The following SLC16A12 variants were observed in gnomAD, a reference collection of about 807,000 sequenced individuals.
SLC16A12 encodes the protein solute carrier family 16 member 12.
In SLC16A12, 17 loss-of-function variants were observed where a neutral mutation model predicts 42.4. That is an observed-to-expected ratio of 0.40 (90% CI 0.27 to 0.60). SLC16A12 has a LOEUF of 0.60. Among genes scored for constraint, SLC16A12 ranks in the 20% least tolerant of loss-of-function variants. SLC16A12 has a pLI of 0.42. For missense variants in SLC16A12, 544 were observed against 623.0 expected, an observed-to-expected ratio of 0.87 and a Z score of 1.35; for synonymous variants, 224 against 229.4, an observed-to-expected ratio of 0.98 and a Z score of 0.21.
intron 3 of SLC16A12, among the ~76,000 whole-genome samples, chr10:89,450,501 G>C (rs560742937): frequency 6.6e-6 from 1 of 152,172 alleles, no homozygotes; most frequent in Non-Finnish European, 1.5e-5. Flanking sequence ...GCAAACTATC[G>C]CAAGGACAGA....
chr10:89,535,263 C>A (rs1010651515), intron 1 of SLC16A12, among the ~76,000 whole-genome samples, 179 bp downstream of exon 1: 6 of 152,146 alleles, frequency 3.9e-5, no homozygotes, highest in Non-Finnish European at 8.8e-5. Context: ...CAAGTGAGCA[C>A]GTGTCTCCCT....
chr10:89,529,239 G>A (rs1843502644), intron 2 of SLC16A12, among the ~76,000 whole-genome samples: 1 of 152,008 alleles, frequency 6.6e-6, no homozygotes, highest in South Asian at 2.1e-4. Context: ...AGATAAATAT[G>A]AACTCACTCC....
At chr10:89,506,095 C>T (rs1267818418) in intron 2 of SLC16A12, among the ~76,000 whole-genome samples, 1 of 152,156 alleles carries the variant, frequency 6.6e-6, no homozygotes, top group Non-Finnish European at 1.5e-5. Context: ...TAGATAAAGC[C>T]CCCATCTTCC....
At chr10:89,472,529 G>A (rs1468722159) in intron 2 of SLC16A12, among the ~76,000 whole-genome samples, 2 of 106,660 alleles carry the variant, frequency 1.9e-5, no homozygotes, top group African/African-American at 3.6e-5. Context: ...GTCTTGCTGT[G>A]TTGCCCAGGC....
At chr10:89,472,191 G>T (rs1236970517) in intron 2 of SLC16A12, among the ~76,000 whole-genome samples, 1 of 151,890 alleles carries the variant, frequency 6.6e-6, no homozygotes, top group Non-Finnish European at 1.5e-5. Flanking sequence ...TGAATAATTA[G>T]AAATTAAAAA....
upstream of SLC16A12, among the ~76,000 whole-genome samples, chr10:89,537,353 T>C (rs921057241): frequency 6.6e-6 from 1 of 152,062 alleles, no homozygotes; most frequent in Admixed American, 6.5e-5. Flanking sequence ...GGGGTTTTTT[T>C]AAATAGTCTA....
At chr10:89,459,738 G>C (rs1282397009) in intron 3 of SLC16A12, among the ~76,000 whole-genome samples, 1 of 152,124 alleles carries the variant, frequency 6.6e-6, no homozygotes, top group Non-Finnish European at 1.5e-5. Flanking sequence ...TCAGGAGTTT[G>C]AGACCATCCT....
chr10:89,440,073 CA>C (rs10674171), intron 5 of SLC16A12, among the ~76,000 whole-genome samples: 196 of 31,442 alleles, frequency 6.2e-3, no homozygotes, highest in South Asian at 0.042. Flanking sequence ...GACCCTGTCT[CA>C]AAAAAAAAAA....
intron 2 of SLC16A12, among the ~76,000 whole-genome samples, chr10:89,552,370 A>G (rs77354255): frequency 0.012 from 1,802 of 152,380 alleles, 21 homozygotes; most frequent in Non-Finnish European, 0.021. Flanking sequence ...ATCTCATTTA[A>G]AAATTATAGG....
chr10:89,526,231 C>A (rs969663431), intron 2 of SLC16A12, among the ~76,000 whole-genome samples: 1 of 151,956 alleles, frequency 6.6e-6, no homozygotes, highest in Admixed American at 6.6e-5. Context: ...GAAATGCAAA[C>A]TTCATTAACC....
chr10:89,509,606 T>G (rs1442152145), intron 2 of SLC16A12, among the ~76,000 whole-genome samples: 1 of 152,216 alleles, frequency 6.6e-6, no homozygotes, highest in Non-Finnish European at 1.5e-5. Flanking sequence ...TAATAAGAGC[T>G]ATTTATGACA....
chr10:89,440,656 T>C (rs563337168), intron 5 of SLC16A12, among the ~76,000 whole-genome samples: 2 of 152,242 alleles, frequency 1.3e-5, no homozygotes, highest in Admixed American at 6.5e-5. Context: ...ATGTGTAATA[T>C]AAGAATATTC....
chr10:89,543,661 T>C (rs1023825842), intron 2 of SLC16A12, among the ~76,000 whole-genome samples: 6 of 151,820 alleles, frequency 4.0e-5, no homozygotes, highest in Non-Finnish European at 5.9e-5. Context: ...AAAACCTGTC[T>C]CTACCAAAAA....
chr10:89,501,257 G>A (rs965531350), intron 2 of SLC16A12, among the ~76,000 whole-genome samples: 3 of 152,076 alleles, frequency 2.0e-5, no homozygotes, highest in African/African-American at 7.2e-5. Flanking sequence ...TCAATGCAAT[G>A]CCCATCAAAA....
chr10:89,460,169 T>C (rs1256969775), intron 3 of SLC16A12, among the ~76,000 whole-genome samples: 1 of 152,116 alleles, frequency 6.6e-6, no homozygotes, highest in Admixed American at 6.6e-5. Flanking sequence ...TTCTAAAGCA[T>C]TGTGCCCACT....
chr10:89,465,165 A>T (rs1842372591), intron 2 of SLC16A12, among the ~76,000 whole-genome samples: 1 of 152,200 alleles, frequency 6.6e-6, no homozygotes, highest in African/African-American at 2.4e-5. Context: ...CATCTCATTT[A>T]ATCCTTACAA....
chr10:89,442,193 C>G (rs187750852), intron 4 of SLC16A12, among the ~76,000 whole-genome samples: 6 of 152,348 alleles, frequency 3.9e-5, no homozygotes, highest in Admixed American at 3.9e-4. Context: ...GTTACCTTCT[C>G]TGTTCATCAC....
At chr10:89,433,644 T>G (rs1221584588) in intron 7 of SLC16A12, among the ~76,000 whole-genome samples, 3 of 152,236 alleles carry the variant, frequency 2.0e-5, no homozygotes, top group African/African-American at 7.2e-5. Flanking sequence ...TAGCATCATT[T>G]AAATTATTAA....
chr10:89,441,357 A>G, intron 4 of SLC16A12, 106 bp from the exon 5 acceptor site: 1 of 1,387,904 alleles, frequency 7.2e-7, no homozygotes, highest in Non-Finnish European at 1.0e-6. Context: ...CATTGAGCCC[A>G]CCCTATTAAT....
Sources: allele counts gnomAD v4.1 joint callset (sites outside exome capture counted in the v4.1 genomes callset), GRCh38; gene constraint gnomAD v4.1.1; transcripts MANE v1.5; gene names NCBI Gene and HGNC (gene_info 2026-07-23, HGNC 2026-07-21).